XIRP2: variants seen among roughly 807,000 people sequenced by gnomAD.
The protein encoded by XIRP2 is xin actin-binding repeat-containing protein 2.
XIRP2 carries 236 observed loss-of-function variants against 277.0 expected under a neutral mutation model. The ratio of observed to expected loss-of-function variants is 0.85; its 90% CI spans 0.77 to 0.95. XIRP2 has a LOEUF of 0.95. XIRP2 is among the 40% of genes least tolerant of loss of function. XIRP2 has a pLI of 0.00. For missense variants in XIRP2, 4,640 were observed against 4,157.5 expected (o/e 1.12, Z -3.19); for synonymous variants, 1,490 against 1,416.5 (o/e 1.05, Z -1.17).
chr2:166,918,197 A>G (rs1684942698), intron 2 of XIRP2, among the ~76,000 whole-genome samples: 1 of 152,182 alleles, frequency 6.6e-6, no homozygotes, highest in Non-Finnish European at 1.5e-5. Context: ...AAGTTTATCC[A>G]CCAGGAATGT....
intron 3 of XIRP2, among the ~76,000 whole-genome samples, chr2:167,156,991 A>G (rs1000679136): frequency 3.3e-5 from 5 of 152,110 alleles, no homozygotes; most frequent in African/African-American, 4.8e-5. Flanking sequence ...TTTCAATTCA[A>G]TCTAAAAATA....
At chr2:167,224,920 A>T (rs1694547376) in intron 5 of XIRP2, among the ~76,000 whole-genome samples, 2 of 152,224 alleles carry the variant, frequency 1.3e-5, no homozygotes, top group African/African-American at 4.8e-5. Flanking sequence ...GATTAGCTTG[A>T]AATGAGCATA....
In XIRP2 at chr2:167,251,232, T is replaced by C. The variant is rs764818096; in HGVS notation, c.9840T>C (p.Thr3280=). The change falls in exon 9 of 11, where the codon ACT becomes ACC. Residue 3280 remains threonine (T), a synonymous_variant. Coordinates refer to ENST00000409195, the MANE Select transcript of XIRP2 (RefSeq NM_152381.6). The part of the protein sequence containing the change: ...TYVHKDGLNS[T]DHMVPDTESY... The stretch of plus-strand genomic sequence containing the variant: ...TTCATAAAGATGGACTAAATTCCAC[T>C]GATCACATGGTGCCCGACACTGAAA... 1 of 1,613,590 alleles carries C rather than the reference T, an allele frequency of 6.2e-7. No homozygotes were observed.
At chr2:167,238,977 A>G (rs1019003581) in intron 5 of XIRP2, among the ~76,000 whole-genome samples, 1 of 152,210 alleles carries the variant, frequency 6.6e-6, no homozygotes, top group Non-Finnish European at 1.5e-5. Flanking sequence ...CAAGTTTGCA[A>G]TTCATTCAGG....
intron 2 of XIRP2, among the ~76,000 whole-genome samples, chr2:166,911,840 A>G (rs958989296): frequency 1.3e-5 from 2 of 152,138 alleles, no homozygotes; most frequent in South Asian, 4.1e-4. Flanking sequence ...GCTTGTCTGT[A>G]AAGTATTTTA....
intron 3 of XIRP2, among the ~76,000 whole-genome samples, chr2:167,186,753 C>G (rs1421935680): frequency 1.3e-5 from 2 of 151,886 alleles, no homozygotes; most frequent in Non-Finnish European, 2.9e-5. Context: ...AGGACTCACA[C>G]AGCAAGGGTG....
At position 167,245,921 on chromosome 2, in the gene XIRP2, C is replaced by G. The variant is rs370301474; in HGVS notation, c.4529C>G (p.Thr1510Arg). The G allele has an allele frequency of 4.0e-5, 65 of 1,613,500 alleles. No homozygotes were observed. In the African/African-American group the frequency reaches 8.0e-4, roughly 20 times the overall value. Residue 1510 changes from threonine (T) to arginine (R), a missense_variant, in exon 9 of 11, where the codon ACA becomes AGA. By Grantham distance (71) the Thr-to-Arg change is moderately conservative. Coordinates refer to ENST00000409195, the MANE Select transcript of XIRP2 (RefSeq NM_152381.6). ...ATTATGGAAGCACATAAAGGTATCA[C>G]AAAAATGACCAAGGAAGAAATCCCT... Reference protein sequence around the residue: ...DSIMEAHKGITKMTKEEIPPS... With the variant: ...DSIMEAHKGIRKMTKEEIPPS...
At chr2:166,920,549 C>T (rs976395357) in intron 2 of XIRP2, among the ~76,000 whole-genome samples, 2 of 152,148 alleles carry the variant, frequency 1.3e-5, no homozygotes, top group African/African-American at 4.8e-5. Flanking sequence ...ATCTTTGAAA[C>T]TGATATGCTT....
At chr2:167,137,882 T>A (rs1206841248) in intron 3 of XIRP2, among the ~76,000 whole-genome samples, 1 of 152,074 alleles carries the variant, frequency 6.6e-6, no homozygotes, top group Non-Finnish European at 1.5e-5. Flanking sequence ...ATTCTTTCAT[T>A]ATGGGATCCT....
chr2:166,977,732 A>C (rs549625681), intron 2 of XIRP2, among the ~76,000 whole-genome samples: 53 of 152,316 alleles, frequency 3.5e-4, no homozygotes, highest in Non-Finnish European at 6.3e-4. Flanking sequence ...GAGGGGAATA[A>C]GTGAAGTAAA....
At chr2:167,152,218 G>A (rs910816552) in intron 3 of XIRP2, among the ~76,000 whole-genome samples, 1 of 152,040 alleles carries the variant, frequency 6.6e-6, no homozygotes, top group African/African-American at 2.4e-5. Context: ...CTGTTCTGAA[G>A]TAGGTCATGA....
chr2:166,911,768 TA>T, intron 2 of XIRP2, among the ~76,000 whole-genome samples: 1 of 152,230 alleles, frequency 6.6e-6, no homozygotes, highest in Non-Finnish European at 1.5e-5. Flanking sequence ...TTTCCATGTT[TA>T]GTGCTTCCTT....
chr2:167,259,432 A>G lies in XIRP2; in HGVS notation c.*1615A>G. On this transcript the variant is annotated 3_prime_UTR_variant, in exon 11 of 11. Transcript: ENST00000409195. Reference sequence around the variant, plus strand: ...TATTGATGTTCTGAAATAAGATTTTATGAATTTGGATACCCTTTTGAGGAA... The same window carrying G: ...TATTGATGTTCTGAAATAAGATTTTGTGAATTTGGATACCCTTTTGAGGAA... 1.4e-6 allele frequency: 2 copies of G among 1,441,516 alleles called. No individual in the cohort carries two copies. Among genetic ancestry groups the G allele is most frequent in the Non-Finnish European group, 1.9e-6 (2 of 1,080,146 alleles). The allele number at this position is 1,441,516 out of a possible 1,614,324, so 89.3% of individuals were successfully genotyped here.
chr2:167,214,728 G>A (rs746999094), intron 4 of XIRP2, among the ~76,000 whole-genome samples: 4 of 151,722 alleles, frequency 2.6e-5, no homozygotes, highest in Admixed American at 6.6e-5. Flanking sequence ...CACCATGCCC[G>A]GCTAATTTTT....
Position 167,088,667 on chromosome 2 carries a change from C to T in XIRP2, c.409-47242C>T, listed in dbSNP as rs142365874. 2.9e-3 allele frequency among the ~76,000 whole-genome samples: 441 copies of T among 152,276 alleles called. 4 individuals carry two copies. The highest frequency in any genetic ancestry group is 0.01 in the African/African-American group (421 of 41,524). On this transcript the variant is annotated intron_variant, in intron 2 of 10. Transcript: ENST00000409195. Reference sequence around the variant, plus strand: ...GCCTCTCCATCTGCCATTCCTTGTCCGTTGTGCCCCAGGCATACTGGCCTT... The same window carrying T: ...GCCTCTCCATCTGCCATTCCTTGTCTGTTGTGCCCCAGGCATACTGGCCTT...
At chr2:166,910,425 G>T (rs1684667440) in intron 2 of XIRP2, among the ~76,000 whole-genome samples, 1 of 151,990 alleles carries the variant, frequency 6.6e-6, no homozygotes, top group East Asian at 1.9e-4. Flanking sequence ...ATTCTCTGAT[G>T]GTATTTTGTA....
intron 2 of XIRP2, among the ~76,000 whole-genome samples, chr2:167,066,729 C>T (rs544589175): frequency 7.5e-4 from 114 of 152,110 alleles, no homozygotes; most frequent in African/African-American, 2.6e-3. Context: ...ATGGAAACAA[C>T]CTAAATATCC....
intron 2 of XIRP2, among the ~76,000 whole-genome samples, chr2:167,066,776 A>G (rs889210085): frequency 6.6e-6 from 1 of 152,142 alleles, no homozygotes; most frequent in Admixed American, 6.6e-5. Context: ...TGTGGCATAT[A>G]CACTTTATGG....
intron 5 of XIRP2, among the ~76,000 whole-genome samples, chr2:167,233,877 A>G (rs1420056263): frequency 6.6e-6 from 1 of 151,672 alleles, no homozygotes. Flanking sequence ...TTTAATATAC[A>G]TCTACGTAAA....
Sources: allele counts gnomAD v4.1 joint callset (sites outside exome capture counted in the v4.1 genomes callset), GRCh38; gene constraint gnomAD v4.1.1; transcripts MANE v1.5; gene names NCBI Gene and HGNC (gene_info 2026-07-23, HGNC 2026-07-21).